The following FGF10 variants were observed in gnomAD, a reference collection of about 807,000 sequenced individuals.
FGF10 encodes fibroblast growth factor 10.
In FGF10, 2 loss-of-function variants were observed where a neutral mutation model predicts 19.8. That is an observed-to-expected ratio of 0.10 (90% CI 0.04 to 0.32). The LOEUF is 0.32. FGF10 is among the 10% of genes least tolerant of loss of function. The probability of loss-of-function intolerance (pLI) is 1.00; values close to 1 mark genes in which losing one functional copy is unlikely to be tolerated. For synonymous variants in FGF10, 112 were observed against 94.0 expected (o/e 1.19, Z -1.10); for missense variants, 191 against 246.3 (o/e 0.78, Z 1.50).
At chr5:44,386,581 G>A (rs1054944071) in intron 1 of FGF10, among the ~76,000 whole-genome samples, 1 of 152,004 alleles carries the variant, frequency 6.6e-6, no homozygotes, top group African/African-American at 2.4e-5. Context: ...AACCTTAAAG[G>A]TTATATACAT....
chr5:44,321,563 C>T (rs560089933), intron 1 of FGF10, among the ~76,000 whole-genome samples: 7 of 152,176 alleles, frequency 4.6e-5, no homozygotes, highest in Non-Finnish European at 8.8e-5. Flanking sequence ...GATTTCACTG[C>T]TCGGGTCAAA....
intron 1 of FGF10, among the ~76,000 whole-genome samples, chr5:44,336,706 T>A (rs1740861332): frequency 6.6e-6 from 1 of 152,196 alleles, no homozygotes; most frequent in Non-Finnish European, 1.5e-5. Context: ...AAATAGAATT[T>A]AGAACTGTGG....
At chr5:44,386,520 A>G (rs138089108) in intron 1 of FGF10, among the ~76,000 whole-genome samples, 3 of 152,314 alleles carry the variant, frequency 2.0e-5, no homozygotes, top group Admixed American at 1.3e-4. Context: ...GAATGACACC[A>G]CAACTATTTT....
At chr5:44,316,437 A>G (rs1740352571) in intron 1 of FGF10, among the ~76,000 whole-genome samples, 1 of 152,198 alleles carries the variant, frequency 6.6e-6, no homozygotes, top group Non-Finnish European at 1.5e-5. Flanking sequence ...CATCAGAATC[A>G]TCTGGAAGAC....
intron 1 of FGF10, among the ~76,000 whole-genome samples, chr5:44,384,085 G>A (rs759867353): frequency 5.3e-5 from 8 of 151,928 alleles, no homozygotes; most frequent in African/African-American, 9.6e-5. Flanking sequence ...CTAAGACGTC[G>A]CCCTTTTTAG....
At chr5:44,372,947 A>T (rs1021865101) in intron 1 of FGF10, among the ~76,000 whole-genome samples, 6 of 152,152 alleles carry the variant, frequency 3.9e-5, no homozygotes, top group African/African-American at 1.4e-4. Context: ...CTTTGTACCC[A>T]AGGCTCTGCA....
Position 44,310,369 on chromosome 5 carries a change from C to A in FGF10, c.429+58G>T. On this transcript the variant is annotated intron_variant, in intron 2 of 2. Coordinates refer to ENST00000264664, the MANE Select transcript of FGF10 (RefSeq NM_004465.2). Reference sequence around the variant, plus strand: ...CTATTCGGTGTCTGGAGGAAACTTTCCAAAACTATGGTAATGGTTTACTGG... The same window carrying A: ...CTATTCGGTGTCTGGAGGAAACTTTACAAAACTATGGTAATGGTTTACTGG... The A allele has an allele frequency of 4.8e-6, 6 of 1,251,944 alleles. No homozygotes were observed. The South Asian group carries it at 7.3e-5, about 15-fold the overall frequency. 77.6% of individuals were successfully genotyped at this position (1,251,944 alleles called of 1,614,324 possible).
chr5:44,341,078 A>T (rs1740959507), intron 1 of FGF10, among the ~76,000 whole-genome samples: 1 of 151,974 alleles, frequency 6.6e-6, no homozygotes, highest in Admixed American at 6.6e-5. Context: ...TAGCATTTCT[A>T]GAGTCTATCT....
intron 1 of FGF10, among the ~76,000 whole-genome samples, chr5:44,351,803 A>G (rs1024736174): frequency 6.6e-6 from 1 of 151,696 alleles, no homozygotes. Flanking sequence ...CAGTGTAATA[A>G]TTTTTGCCAA....
intron 1 of FGF10, among the ~76,000 whole-genome samples, chr5:44,339,531 G>A (rs556701645): frequency 3.3e-5 from 5 of 152,180 alleles, no homozygotes; most frequent in Admixed American, 6.6e-5. Context: ...TTTTCCTTGC[G>A]TATTTGCAAA....
chr5:44,375,134 C>T (rs1447811674), intron 1 of FGF10, among the ~76,000 whole-genome samples: 1 of 152,034 alleles, frequency 6.6e-6, no homozygotes, highest in African/African-American at 2.4e-5. Context: ...CAGTTATTTA[C>T]CTAATAATAT....
At chr5:44,351,857 C>T (rs908763081) in intron 1 of FGF10, among the ~76,000 whole-genome samples, 7 of 151,704 alleles carry the variant, frequency 4.6e-5, no homozygotes, top group South Asian at 4.2e-4. Flanking sequence ...TACACACACA[C>T]GTGCACACAC....
At chr5:44,313,751 T>G (rs1396830446) in intron 1 of FGF10, among the ~76,000 whole-genome samples, 1 of 152,102 alleles carries the variant, frequency 6.6e-6, no homozygotes, top group African/African-American at 2.4e-5. Context: ...CTATATTAGT[T>G]TTTATGTCCC....
intron 1 of FGF10, among the ~76,000 whole-genome samples, chr5:44,336,375 T>C (rs558971711): frequency 3.3e-5 from 5 of 152,312 alleles, no homozygotes; most frequent in African/African-American, 1.2e-4. Flanking sequence ...CGTCTTTTTG[T>C]GGTTTGATTT....
In FGF10 at chr5:44,302,793, T is replaced by C. The variant is rs1269702278; in HGVS notation, c.*2202A>G. Among the ~76,000 whole-genome samples the C allele has an allele frequency of 1.3e-5, 2 of 152,176 alleles. No homozygotes were observed. Among genetic ancestry groups the C allele is most frequent in the Non-Finnish European group, 2.9e-5 (2 of 68,022 alleles). On this transcript the variant is annotated 3_prime_UTR_variant, in exon 3 of 3. Transcript: ENST00000264664. ...GTCTTGAGTACTATAATGATGACTG[T>C]TTACACATAGTCTCTTTAGTAATCT... is the stretch of plus-strand genomic sequence containing the variant.
chr5:44,303,792 C>T lies in FGF10; in HGVS notation c.*1203G>A, dbSNP rs1740013447. Reference sequence around the variant, plus strand: ...TATTTGATTTGCTCAGTTTAAGCCCCTGGGAGAGTTGCGCTTCATACCAAA... The same window carrying T: ...TATTTGATTTGCTCAGTTTAAGCCCTTGGGAGAGTTGCGCTTCATACCAAA... On this transcript the variant is annotated 3_prime_UTR_variant, in exon 3 of 3. Coordinates refer to ENST00000264664, the MANE Select transcript of FGF10 (RefSeq NM_004465.2). 6.6e-6 allele frequency: 1 copy of T among 152,108 alleles called. No homozygotes were observed. The highest frequency in any genetic ancestry group is 6.6e-5 in the Admixed American group (1 of 15,254). The allele number at this position is 152,108 out of a possible 1,614,324, so 9.4% of individuals were successfully genotyped here. A position where few individuals can be genotyped will look rare whatever the true frequency, so the allele number is the denominator to read the frequency against.
rs1739952441 is a variant in FGF10 at position 44,300,855 on chromosome 5, G to C, written c.*4140C>G. ...CTTATACTGATTGGTCTAGAGGTTG[G>C]TATGTTATCCAAACCTGGCCAATAA... On this transcript the variant is annotated 3_prime_UTR_variant, in exon 3 of 3. Transcript: ENST00000264664. Among the ~76,000 whole-genome samples the C allele has an allele frequency of 6.6e-6, 1 of 151,886 alleles. No homozygotes were observed. Among genetic ancestry groups the C allele is most frequent in the East Asian group, 1.9e-4 (1 of 5,146 alleles).
chr5:44,334,603 G>C (rs1310716092), intron 1 of FGF10, among the ~76,000 whole-genome samples: 3 of 152,068 alleles, frequency 2.0e-5, no homozygotes, highest in African/African-American at 7.2e-5. Context: ...ATTTGGATTG[G>C]ACACAATAAA....
chr5:44,357,162 T>A (rs763676583), intron 1 of FGF10, among the ~76,000 whole-genome samples: 26 of 151,436 alleles, frequency 1.7e-4, no homozygotes, highest in Admixed American at 6.6e-4. Context: ...ACATGATGAG[T>A]TATTTTTGTT....
Sources: gnomAD v4.1 joint callset for allele counts (sites outside exome capture counted in the v4.1 genomes callset) on GRCh38, gnomAD v4.1.1 for gene constraint, MANE v1.5 for transcripts, NCBI Gene and HGNC (gene_info 2026-07-23, HGNC 2026-07-21) for gene names.